The following SLC24A3 variants were observed in gnomAD, a reference collection of about 807,000 sequenced individuals.
The protein encoded by SLC24A3 is sodium/potassium/calcium exchanger 3.
Under a neutral mutation model 75.8 loss-of-function variants are expected in SLC24A3, and 28 were observed. That is an observed-to-expected ratio of 0.37 (90% CI 0.27 to 0.51). The LOEUF (loss-of-function observed/expected upper bound fraction) is 0.51, where lower values mean the gene tolerates loss of function less well. Among genes scored for constraint, SLC24A3 ranks in the 20% least tolerant of loss-of-function variants. The probability of loss-of-function intolerance (pLI) is 0.94; values close to 1 mark genes in which losing one functional copy is unlikely to be tolerated. For missense variants in SLC24A3, 663 were observed against 847.8 expected (o/e 0.78, Z 2.71); for synonymous variants, 372 against 334.1 (o/e 1.11, Z -1.24).
In SLC24A3 at chr20:19,636,791, T is replaced by C. The variant is rs531479453; in HGVS notation, c.613-17271T>C. ...CTGCTTCCTCAGGCTACCAGGCATCTAAGGATCCTTCCCAAAGGAAGGACC... is the reference window on the plus strand; with the variant it reads ...CTGCTTCCTCAGGCTACCAGGCATCCAAGGATCCTTCCCAAAGGAAGGACC... On this transcript the variant is annotated intron_variant, in intron 6 of 16. Coordinates refer to ENST00000328041, the MANE Select transcript of SLC24A3 (RefSeq NM_020689.4). Among the ~76,000 whole-genome samples, 18 of 152,308 alleles carry C rather than the reference T, an allele frequency of 1.2e-4. No homozygotes were observed. The South Asian group carries it at 1.5e-3, about 12-fold the overall frequency.
intron 1 of SLC24A3, among the ~76,000 whole-genome samples, chr20:19,246,127 A>G (rs919533483): frequency 6.6e-6 from 1 of 152,190 alleles, no homozygotes; most frequent in Non-Finnish European, 1.5e-5. Flanking sequence ...TCAACATCAC[A>G]CCAGTTAAAT....
intron 2 of SLC24A3, among the ~76,000 whole-genome samples, chr20:19,390,689 G>A (rs910080631): frequency 1.3e-5 from 2 of 152,188 alleles, no homozygotes; most frequent in Admixed American, 6.5e-5. Context: ...GCCTACATTT[G>A]CTGAATTTCC....
At chr20:19,679,849 G>A (rs1391248391) in intron 9 of SLC24A3, among the ~76,000 whole-genome samples, 1 of 149,676 alleles carries the variant, frequency 6.7e-6, no homozygotes, top group East Asian at 2.0e-4. Flanking sequence ...ACTTGCTGCT[G>A]TGTCTGTATG....
intron 2 of SLC24A3, among the ~76,000 whole-genome samples, chr20:19,490,846 A>C (rs1376087422): frequency 6.6e-6 from 1 of 152,128 alleles, no homozygotes; most frequent in Non-Finnish European, 1.5e-5. Flanking sequence ...AAAAATATGC[A>C]TCTGTAGCCC....
At chr20:19,395,418 G>A (rs1022727637) in intron 2 of SLC24A3, among the ~76,000 whole-genome samples, 2 of 152,122 alleles carry the variant, frequency 1.3e-5, no homozygotes. Flanking sequence ...TAACATTTTG[G>A]TATATAACTC....
At chr20:19,500,118 A>C (rs1988363234) in intron 2 of SLC24A3, among the ~76,000 whole-genome samples, 1 of 152,178 alleles carries the variant, frequency 6.6e-6, no homozygotes, top group African/African-American at 2.4e-5. Flanking sequence ...TCATTACATG[A>C]TGCAAGTGGG....
At position 19,543,555 on chromosome 20, in the gene SLC24A3, G is replaced by A. The variant is rs967766313; in HGVS notation, c.348+27991G>A. Among the ~76,000 whole-genome samples, 36 of 152,154 alleles carry A rather than the reference G, an allele frequency of 2.4e-4. 1 individual carries two copies. The highest frequency in any genetic ancestry group is 8.4e-4 in the African/African-American group (35 of 41,426). On this transcript the variant is annotated intron_variant, in intron 3 of 16. Transcript: ENST00000328041. ...CAGAGTGCAGCTGCCAGGCCGGGGA[G>A]GGAGGCCAACCTGCGGTGCTGCATG...
chr20:19,445,551 C>A (rs1283349463), intron 2 of SLC24A3, among the ~76,000 whole-genome samples: 2 of 152,174 alleles, frequency 1.3e-5, no homozygotes, highest in Non-Finnish European at 2.9e-5. Context: ...AGTACATTAT[C>A]AAGAAAGTTA....
At chr20:19,545,235 C>T (rs1437645452) in intron 3 of SLC24A3, among the ~76,000 whole-genome samples, 1 of 152,190 alleles carries the variant, frequency 6.6e-6, no homozygotes, top group Non-Finnish European at 1.5e-5. Context: ...AATTATCCAG[C>T]TCTGCAGGAG....
At chr20:19,407,519 A>T (rs1023782763) in intron 2 of SLC24A3, among the ~76,000 whole-genome samples, 1 of 152,232 alleles carries the variant, frequency 6.6e-6, no homozygotes, top group East Asian at 1.9e-4. Flanking sequence ...CCTGCTTTAG[A>T]AGAGAACTGC....
At chr20:19,654,283 C>A in intron 7 of SLC24A3, 147 bp downstream of exon 7, 1 of 710,660 alleles carries the variant, frequency 1.4e-6, no homozygotes, top group Non-Finnish European at 2.4e-6. Context: ...TTATTTCTTT[C>A]AGCTACTTTG....
chr20:19,366,623 C>G (rs1568600754), intron 2 of SLC24A3, among the ~76,000 whole-genome samples: 3 of 152,146 alleles, frequency 2.0e-5, no homozygotes, highest in Admixed American at 6.5e-5. Context: ...CCATGCATCT[C>G]CCTTCATGGG....
intron 7 of SLC24A3, among the ~76,000 whole-genome samples, chr20:19,660,610 T>G (rs1433499625): frequency 6.6e-6 from 1 of 152,144 alleles, no homozygotes; most frequent in East Asian, 1.9e-4. Context: ...CTCACGCAGG[T>G]GTCTTTTTGA....
intron 3 of SLC24A3, among the ~76,000 whole-genome samples, chr20:19,557,913 T>C (rs922287231): frequency 2.0e-5 from 3 of 152,212 alleles, no homozygotes; most frequent in African/African-American, 7.2e-5. Flanking sequence ...TTGTTAGCAA[T>C]AATATCCCCC....
chr20:19,255,879 T>G (rs1982799869), intron 1 of SLC24A3, among the ~76,000 whole-genome samples: 1 of 152,098 alleles, frequency 6.6e-6, no homozygotes, highest in South Asian at 2.1e-4. Flanking sequence ...GAGGATTACT[T>G]GAGGCCAGAA....
chr20:19,365,402 C>A (rs1985869955), intron 2 of SLC24A3, among the ~76,000 whole-genome samples: 1 of 152,166 alleles, frequency 6.6e-6, no homozygotes, highest in African/African-American at 2.4e-5. Context: ...TGTAGAGGAA[C>A]CACGATAGCT....
rs552739572 is a variant in SLC24A3, at chr20:19,613,894, G to T, written c.612+28350G>T. On this transcript the variant is annotated intron_variant, in intron 6 of 16. Coordinates refer to ENST00000328041, the MANE Select transcript of SLC24A3 (RefSeq NM_020689.4). Reference sequence around the variant, plus strand: ...TCCAGTCTCCATGTATTTTTCCCATGCACCACCCTGTTCTATATTAAGATG... The same window carrying T: ...TCCAGTCTCCATGTATTTTTCCCATTCACCACCCTGTTCTATATTAAGATG... Among the ~76,000 whole-genome samples, 15 of 152,296 alleles carry T rather than the reference G, an allele frequency of 9.8e-5. No homozygotes were observed. The South Asian group carries it at 2.9e-3, about 29-fold the overall frequency.
chr20:19,642,444 T>G (rs1375966209), intron 6 of SLC24A3, among the ~76,000 whole-genome samples: 1 of 152,212 alleles, frequency 6.6e-6, no homozygotes, highest in Non-Finnish European at 1.5e-5. Flanking sequence ...GCAGCACTCT[T>G]GATCACACAG....
intron 2 of SLC24A3, among the ~76,000 whole-genome samples, chr20:19,346,072 T>G (rs1288200066): frequency 2.0e-5 from 1 of 49,126 alleles, no homozygotes; most frequent in East Asian, 8.8e-4. Context: ...ACTATATATA[T>G]ATATATATAT....
Sources: gnomAD v4.1 joint callset for allele counts (sites outside exome capture counted in the v4.1 genomes callset) on GRCh38, gnomAD v4.1.1 for gene constraint, MANE v1.5 for transcripts, NCBI Gene and HGNC (gene_info 2026-07-23, HGNC 2026-07-21) for gene names.